ABL2: variants seen among roughly 807,000 people sequenced by gnomAD.
ABL2 encodes ABL proto-oncogene 2, non-receptor tyrosine kinase, also known as tyrosine-protein kinase ABL2.
In ABL2, 49 loss-of-function variants were observed where a neutral mutation model predicts 107.7. The observed-to-expected ratio is 0.45, with a 90% CI of 0.36 to 0.58. The LOEUF (loss-of-function observed/expected upper bound fraction) is 0.58. Among genes scored for constraint, ABL2 ranks in the 20% least tolerant of loss-of-function variants. ABL2 has a pLI of 0.00. For missense variants in ABL2, 1,245 were observed against 1,457.0 expected (o/e 0.85, Z 2.37); for synonymous variants, 549 against 548.6 (o/e 1.00, Z -0.01).
intron 1 of ABL2, among the ~76,000 whole-genome samples, chr1:179,155,734 T>TAA (rs58943276): frequency 7.5e-5 from 10 of 132,606 alleles, no homozygotes; most frequent in Non-Finnish European, 1.3e-4. Context: ...CCATCTCAAT[T>TAA]AAAAAAAAAA....
intron 1 of ABL2, among the ~76,000 whole-genome samples, chr1:179,160,713 A>G (rs1023806708): frequency 7.9e-5 from 12 of 152,220 alleles, no homozygotes; most frequent in African/African-American, 2.9e-4. Flanking sequence ...ATATATGACA[A>G]TTCATAATTT....
rs986401502 is a variant in ABL2 at position 179,229,539 on chromosome 1, C to T, written c.-142G>A. ...TGAGTGGCTGGGCCACCGGCGGCTC[C>T]GCACCCGGCCTCCTCACGGCAGCCG... On this transcript the variant is annotated 5_prime_UTR_variant, in exon 1 of 12. Coordinates refer to ENST00000502732, the MANE Select transcript of ABL2 (RefSeq NM_007314.4). 1 of 819,994 alleles carries T rather than the reference C, an allele frequency of 1.2e-6. No individual in the cohort carries two copies. The highest frequency in any genetic ancestry group is 1.7e-6 in the Non-Finnish European group (1 of 581,510). The allele number at this position is 819,994 out of a possible 1,614,324, so 50.8% of individuals were successfully genotyped here. A position where few individuals can be genotyped will look rare whatever the true frequency, so the allele number is the denominator to read the frequency against.
In ABL2 at chr1:179,109,233, C is replaced by T. The variant is rs1172969129; in HGVS notation, c.2034G>A (p.Gln678=). Residue 678 remains glutamine (Q), a synonymous_variant, in exon 12 of 12, where the codon CAG becomes CAA. Coordinates refer to ENST00000502732, the MANE Select transcript of ABL2 (RefSeq NM_007314.4). ...CCGTGAGTTCGTATTTCTTATGGGG[C>T]TGATTCTCCATTTCTCGGAAGGAGC... The part of the protein sequence containing the change: ...RSSSFREMEN[Q]PHKKYELTGN... 1 of 1,614,124 alleles carries T rather than the reference C, an allele frequency of 6.2e-7. No individual in the cohort carries two copies. Among genetic ancestry groups the T allele is most frequent in the South Asian group, 1.1e-5 (1 of 91,068 alleles).
At chr1:179,150,191 C>T (rs1658279445) in intron 1 of ABL2, among the ~76,000 whole-genome samples, 1 of 152,108 alleles carries the variant, frequency 6.6e-6, no homozygotes, top group African/African-American at 2.4e-5. Context: ...AGCCATGGTA[C>T]ACTGTACTCC....
intron 1 of ABL2, among the ~76,000 whole-genome samples, chr1:179,156,290 A>G (rs1232415258): frequency 1.3e-5 from 2 of 152,214 alleles, no homozygotes; most frequent in East Asian, 1.9e-4. Flanking sequence ...CAAAGCACCT[A>G]TTCACTACCC....
chr1:179,205,304 C>A (rs777453399), intron 1 of ABL2, among the ~76,000 whole-genome samples: 3 of 152,164 alleles, frequency 2.0e-5, no homozygotes, highest in Non-Finnish European at 4.4e-5. Flanking sequence ...GGATTACAGG[C>A]ATAAGCCACT....
At position 179,124,464 on chromosome 1, in the gene ABL2, C is replaced by CTTTTTTTTTTTTTTT. The variant is rs562899587; in HGVS notation, c.687+1898_687+1912dup. Among the ~76,000 whole-genome samples, 4 of 83,354 alleles carry CTTTTTTTTTTTTTTT rather than the reference C, an allele frequency of 4.8e-5. 1 individual carries two copies. The highest frequency in any genetic ancestry group is 2.1e-4 in the African/African-American group (4 of 18,840). The allele number at this position is 83,354 out of a possible 152,430, so 54.7% of individuals were successfully genotyped here. Reference sequence around the variant, plus strand: ...TTCTAACATCTTAGATTAGCTTCTGCTTTTTTTTTTTTTTTTTTTTTTGAG... The same window carrying CTTTTTTTTTTTTTTT: ...TTCTAACATCTTAGATTAGCTTCTGCTTTTTTTTTTTTTTTTTTTTTTTTTTTTTTTTTTTTTGAG... On this transcript the variant is annotated intron_variant, in intron 4 of 11. Transcript: ENST00000502732.
At chr1:179,170,160 G>C (rs185089867) in intron 1 of ABL2, among the ~76,000 whole-genome samples, 72 of 152,246 alleles carry the variant, frequency 4.7e-4, no homozygotes, top group Non-Finnish European at 1.3e-4. Flanking sequence ...TGGTGAGAAA[G>C]CATACTCAAC....
At chr1:179,202,025 G>T in intron 1 of ABL2, 2 of 581,406 alleles carry the variant, frequency 3.4e-6, no homozygotes, top group Admixed American at 5.3e-5. Flanking sequence ...TGGACATCTT[G>T]TCATTTTTTT....
chr1:179,100,348 A>C lies in ABL2; in HGVS notation c.*7370T>G, dbSNP rs896773695. 4.4e-6 allele frequency: 1 copy of C among 227,980 alleles called. No individual in the cohort carries two copies. The highest frequency in any genetic ancestry group is 8.7e-6 in the Non-Finnish European group (1 of 114,860). 14.1% of individuals were successfully genotyped at this position (227,980 alleles called of 1,614,324 possible). A position where few individuals can be genotyped will look rare whatever the true frequency, so the allele number is the denominator to read the frequency against. On this transcript the variant is annotated 3_prime_UTR_variant, in exon 12 of 12. Transcript: ENST00000502732. ...GGTATGGTACTTCTGAACTGTGCAG[A>C]ACAGTATCTGAGGTTTACTGTTGAT...
Position 179,121,658 on chromosome 1 carries a change from A to G in ABL2, c.897T>C (p.Tyr299=). ...TMKHKLGGGQ[Y]GEVYVGVWKK... is the part of the protein sequence containing the mutation. ...TCCAGACGCCAACGTAAACCTCTCC[A>G]TACTGACCGCCCCCAAGTTTGTGCT... The change falls in exon 5 of 12, where the codon TAT becomes TAC. Residue 299 remains tyrosine, a synonymous_variant. Coordinates refer to ENST00000502732, the MANE Select transcript of ABL2 (RefSeq NM_007314.4). 1 of 1,614,170 alleles carries G rather than the reference A, an allele frequency of 6.2e-7. No individual in the cohort carries two copies. Among genetic ancestry groups the G allele is most frequent in the Non-Finnish European group, 8.5e-7 (1 of 1,180,032 alleles).
chr1:179,131,248 C>T (rs1486161997), intron 3 of ABL2, 63 bp downstream of exon 3: 5 of 1,552,290 alleles, frequency 3.2e-6, no homozygotes, highest in African/African-American at 1.4e-5. Context: ...CTGGCCAGGC[C>T]CCTTTATCTC....
At chr1:179,212,086 T>C (rs991980923) in intron 1 of ABL2, among the ~76,000 whole-genome samples, 1 of 152,144 alleles carries the variant, frequency 6.6e-6, no homozygotes, top group Admixed American at 6.5e-5. Flanking sequence ...AGGCACCTCT[T>C]CACAGGGCAG....
chr1:179,229,398 C>A lies in ABL2; in HGVS notation c.-1G>T, dbSNP rs781651618. 2.0e-6 allele frequency: 3 copies of A among 1,529,246 alleles called. No individual in the cohort carries two copies. Among genetic ancestry groups the A allele is most frequent in the Non-Finnish European group, 2.6e-6 (3 of 1,147,672 alleles). The allele number at this position is 1,529,246 out of a possible 1,614,324, so 94.7% of individuals were successfully genotyped here. ...CGACGCGGCCCACCTGCTGCCCCAT[C>A]CCTGCTCTCGCGTACTCCCGCGCCC... On this transcript the variant is annotated 5_prime_UTR_variant, in exon 1 of 12. Transcript: ENST00000502732.
intron 1 of ABL2, among the ~76,000 whole-genome samples, chr1:179,196,744 A>C (rs1477438424): frequency 6.6e-6 from 1 of 151,874 alleles, no homozygotes; most frequent in African/African-American, 2.4e-5. Flanking sequence ...CTGGGCAACA[A>C]GAGTGAAACT....
intron 2 of ABL2, 31 bp downstream of exon 2, chr1:179,133,281 T>C: frequency 6.2e-7 from 1 of 1,613,950 alleles, no homozygotes; most frequent in Non-Finnish European, 8.5e-7. Flanking sequence ...AATGCCTTAG[T>C]TCAAATCTGC....
chr1:179,229,247 G>T lies in ABL2; in HGVS notation c.151C>A (p.Gln51Lys). 1 of 1,506,608 alleles carries T rather than the reference G, an allele frequency of 6.6e-7. No individual in the cohort carries two copies. Among genetic ancestry groups the T allele is most frequent in the South Asian group, 1.2e-5 (1 of 83,826 alleles). The allele number at this position is 1,506,608 out of a possible 1,614,324, so 93.3% of individuals were successfully genotyped here. The change falls in exon 1 of 12, where the codon CAG (glutamine) becomes AAG (lysine). Residue 51 changes from glutamine to lysine, a missense_variant. This residue lies in a region of ABL2 where 164 missense variants were observed against 143.7 expected (regional missense o/e 1.14). Coordinates refer to ENST00000502732, the MANE Select transcript of ABL2 (RefSeq NM_007314.4). Reference sequence around the variant, plus strand: ...GGCTCCCAGACACACTCACCATGCTGGGTGAAGATATTGAAGCCGGTCTCT... The same window carrying T: ...GGCTCCCAGACACACTCACCATGCTTGGTGAAGATATTGAAGCCGGTCTCT... The part of the protein sequence containing the change: ...TTETGFNIFT[Q>K]HDHFASCVED...
chr1:179,099,400 G>A lies in ABL2; in HGVS notation c.*8318C>T, dbSNP rs915517447. 1 of 209,556 alleles carries A rather than the reference G, an allele frequency of 4.8e-6. No individual in the cohort carries two copies. The highest frequency in any genetic ancestry group is 7.2e-5 in the East Asian group (1 of 13,826). The allele number at this position is 209,556 out of a possible 1,614,324, so 13.0% of individuals were successfully genotyped here. A position where few individuals can be genotyped will look rare whatever the true frequency, so the allele number is the denominator to read the frequency against. On this transcript the variant is annotated 3_prime_UTR_variant, in exon 12 of 12. Transcript: ENST00000502732. ...TTGGCAAACCTTGTGAGAAGACAGAGAAAGCAGTCCCTTTCAAGGGCCTCA... is the reference window on the plus strand; with the variant it reads ...TTGGCAAACCTTGTGAGAAGACAGAAAAAGCAGTCCCTTTCAAGGGCCTCA...
At chr1:179,188,071 CTCT>C (rs1660776009) in intron 1 of ABL2, among the ~76,000 whole-genome samples, 1 of 152,206 alleles carries the variant, frequency 6.6e-6, no homozygotes, top group Admixed American at 6.5e-5. Flanking sequence ...CCAGTCTAGC[CTCT>C]TCTGCCATTC....
Sources: allele counts gnomAD v4.1 joint callset (sites outside exome capture counted in the v4.1 genomes callset), GRCh38; gene constraint gnomAD v4.1.1; regional missense constraint gnomAD v4.1.1; transcripts MANE v1.5; gene names NCBI Gene and HGNC (gene_info 2026-07-23, HGNC 2026-07-21).